Variants in TBL1XR1 observed in about 807,000 individuals in gnomAD.
The protein encoded by TBL1XR1 is F-box-like/WD repeat-containing protein TBL1XR1.
TBL1XR1 carries 5 observed loss-of-function variants against 66.9 expected under a neutral mutation model. That is an observed-to-expected ratio of 0.07 (90% confidence interval 0.04 to 0.16). The LOEUF (loss-of-function observed/expected upper bound fraction) is 0.16, where lower values mean the gene tolerates loss of function less well. Among genes scored for constraint, TBL1XR1 ranks in the 10% least tolerant of loss-of-function variants. The probability of loss-of-function intolerance (pLI) is 1.00; values close to 1 mark genes in which losing one functional copy is unlikely to be tolerated. For missense variants in TBL1XR1, 238 were observed against 623.2 expected, an observed-to-expected ratio of 0.38 and a Z score of 6.58; for synonymous variants, 210 against 206.0, an observed-to-expected ratio of 1.02 and a Z score of -0.17.
At chr3:177,179,117 C>CAAAAAAAAAAAAAAAAAAAA in intron 1 of TBL1XR1, among the ~76,000 whole-genome samples, 1 of 107,448 alleles carries the variant, frequency 9.3e-6, no homozygotes, top group Non-Finnish European at 1.8e-5. Flanking sequence ...AACTACGTCT[C>CAAAAAAAAAAAAAAAAAAAA]AAAAAAAAAA....
intron 1 of TBL1XR1, among the ~76,000 whole-genome samples, chr3:177,151,420 T>C (rs1311772938): frequency 6.6e-6 from 1 of 152,216 alleles, no homozygotes; most frequent in Non-Finnish European, 1.5e-5. Flanking sequence ...TTCCATCTCC[T>C]ATCAGATCAG....
intron 1 of TBL1XR1, among the ~76,000 whole-genome samples, chr3:177,111,933 C>G (rs1725616752): frequency 6.6e-6 from 1 of 151,106 alleles, no homozygotes; most frequent in Non-Finnish European, 1.5e-5. Context: ...TAAGACTCAC[C>G]ACCAACAAGC....
chr3:177,183,883 A>G (rs1289817927), intron 1 of TBL1XR1, among the ~76,000 whole-genome samples: 1 of 151,966 alleles, frequency 6.6e-6, no homozygotes, highest in African/African-American at 2.4e-5. Context: ...AAGGTGGATC[A>G]CCTGAAGTCA....
At chr3:177,070,715 AG>A (rs1238316727) in intron 2 of TBL1XR1, among the ~76,000 whole-genome samples, 3 of 152,050 alleles carry the variant, frequency 2.0e-5, no homozygotes, top group East Asian at 3.9e-4. Flanking sequence ...AGCATGAGGC[AG>A]GTGCCTGTAA....
At position 177,115,535 on chromosome 3, in the gene TBL1XR1, C is replaced by T. The variant is rs555364489; in HGVS notation, c.-121-16994G>A. 3.3e-5 allele frequency among the ~76,000 whole-genome samples: 5 copies of T among 152,208 alleles called. No individual in the cohort carries two copies. In the East Asian group the frequency reaches 7.7e-4, roughly 24 times the overall value. The stretch of plus-strand genomic sequence containing the variant: ...CTCTGCCTCCTTTGTCCACCACAAC[C>T]GCAAAATTTGGTCAATTCTTCCCCA... On this transcript the variant is annotated intron_variant, in intron 1 of 15. Coordinates refer to ENST00000457928, the MANE Select transcript of TBL1XR1 (RefSeq NM_024665.7).
intron 1 of TBL1XR1, among the ~76,000 whole-genome samples, chr3:177,133,465 AAC>A (rs1218295048): frequency 6.6e-6 from 1 of 152,172 alleles, no homozygotes; most frequent in African/African-American, 2.4e-5. Context: ...GTGCCCAATA[AAC>A]ACAATCTATA....
chr3:177,086,435 T>C (rs1201286), intron 2 of TBL1XR1, among the ~76,000 whole-genome samples: 7,208 of 151,716 alleles, frequency 0.048, 260 homozygotes, highest in Non-Finnish European at 0.065. Context: ...GGGGAGCCAA[T>C]AGAAAAGAAG....
chr3:177,071,957 C>A (rs1303512894), intron 2 of TBL1XR1, among the ~76,000 whole-genome samples: 1 of 152,122 alleles, frequency 6.6e-6, no homozygotes, highest in African/African-American at 2.4e-5. Flanking sequence ...GCCCCCAGGG[C>A]ACATGGGCTG....
intron 14 of TBL1XR1, among the ~76,000 whole-genome samples, chr3:177,031,168 T>G (rs1223448627): frequency 6.6e-6 from 1 of 152,122 alleles, no homozygotes; most frequent in East Asian, 1.9e-4. Context: ...GATTAGTGTC[T>G]TCCCACAAAC....
intron 14 of TBL1XR1, among the ~76,000 whole-genome samples, chr3:177,030,110 G>A (rs1481409412): frequency 1.4e-5 from 2 of 146,820 alleles, no homozygotes; most frequent in East Asian, 4.6e-4. Context: ...GTGTGTATGT[G>A]TGTGTGTGTG....
At chr3:177,169,666 A>G (rs553646570) in intron 1 of TBL1XR1, among the ~76,000 whole-genome samples, 1 of 152,278 alleles carries the variant, frequency 6.6e-6, no homozygotes, top group South Asian at 2.1e-4. Flanking sequence ...CACAAGACAA[A>G]CTGCACCCAT....
chr3:177,192,797 C>G (rs924666957), intron 1 of TBL1XR1, among the ~76,000 whole-genome samples: 14 of 152,192 alleles, frequency 9.2e-5, no homozygotes, highest in African/African-American at 2.7e-4. Flanking sequence ...ACCTCTCACA[C>G]ACTAACTGGA....
intron 1 of TBL1XR1, among the ~76,000 whole-genome samples, chr3:177,106,913 T>TCCA (rs1215823089): frequency 4.6e-5 from 4 of 86,876 alleles, no homozygotes; most frequent in African/African-American, 2.4e-4. Context: ...ACAGCATTAC[T>TCCA]ACTAAAAAAA....
chr3:177,139,014 C>CT (rs1729315948), intron 1 of TBL1XR1, among the ~76,000 whole-genome samples: 1 of 152,156 alleles, frequency 6.6e-6, no homozygotes, highest in Non-Finnish European at 1.5e-5. Context: ...CAGAAACATA[C>CT]TTTAACTAAC....
chr3:177,156,772 T>C (rs1731573793), intron 1 of TBL1XR1, among the ~76,000 whole-genome samples: 1 of 152,070 alleles, frequency 6.6e-6, no homozygotes, highest in Non-Finnish European at 1.5e-5. Flanking sequence ...TATACTACTA[T>C]ACACTAGAAT....
chr3:177,075,750 T>C (rs1435191532), intron 2 of TBL1XR1, among the ~76,000 whole-genome samples: 2 of 152,218 alleles, frequency 1.3e-5, no homozygotes, highest in Admixed American at 6.5e-5. Flanking sequence ...GCCAAACTTC[T>C]ATTTAAAGGT....
At position 177,023,182 on chromosome 3, in the gene TBL1XR1, T is replaced by C. The variant is rs772706480; in HGVS notation, c.*2316A>G. ...TGTCCATATCAAAATACAAAAGTAC[T>C]ATCAATAATCACCTCTGACTTTCAG... On this transcript the variant is annotated 3_prime_UTR_variant, in exon 16 of 16. Coordinates refer to ENST00000457928, the MANE Select transcript of TBL1XR1 (RefSeq NM_024665.7). 1 of 152,542 alleles carries C rather than the reference T, an allele frequency of 6.6e-6. No homozygotes were observed. The highest frequency in any genetic ancestry group is 1.5e-5 in the Non-Finnish European group (1 of 67,952). 9.4% of individuals were successfully genotyped at this position (152,542 alleles called of 1,614,324 possible).
intron 1 of TBL1XR1, among the ~76,000 whole-genome samples, chr3:177,159,415 C>G (rs565176077): frequency 8.5e-4 from 130 of 152,194 alleles, no homozygotes; most frequent in African/African-American, 2.9e-3. Flanking sequence ...GTTGTGAGAA[C>G]TGTATGATTT....
intron 4 of TBL1XR1, among the ~76,000 whole-genome samples, chr3:177,053,247 T>TA (rs1358084328): frequency 1.1e-4 from 16 of 152,226 alleles, no homozygotes; most frequent in Admixed American, 2.6e-4. Context: ...TATTATGCCA[T>TA]AAGTAGCCAT....
Sources: gnomAD v4.1 joint callset for allele counts (sites outside exome capture counted in the v4.1 genomes callset) on GRCh38, gnomAD v4.1.1 for gene constraint, MANE v1.5 for transcripts, NCBI Gene and HGNC (gene_info 2026-07-23, HGNC 2026-07-21) for gene names.